The following SPATA4 variants were observed in gnomAD, a reference collection of about 807,000 sequenced individuals.
SPATA4 encodes the protein spermatogenesis associated 4.
In SPATA4, 35 loss-of-function variants were observed where a neutral mutation model predicts 31.8. The observed-to-expected ratio is 1.10, with a 90% CI of 0.84 to 1.46. The LOEUF is 1.46. SPATA4 is among the 40% of genes most tolerant of loss of function. The pLI is 0.00. For synonymous variants in SPATA4, 126 were observed against 132.4 expected (o/e 0.95, Z 0.33); for missense variants, 394 against 363.1 (o/e 1.09, Z -0.69).
At position 176,195,549 on chromosome 4, in the gene SPATA4, C is replaced by G; in HGVS notation, c.14G>C (p.Gly5Ala). The stretch of plus-strand genomic sequence containing the variant: ...CTGTGTCAAATACCCTTTTTCCTGG[C>G]CGGCGGCAGCCATGACGCTTTCTGG... MAAA[G>A]QEKGYLTQTA... is the part of the protein sequence containing the mutation. The change falls in exon 1 of 6, where the codon GGC (glycine) becomes GCC (alanine). Residue 5 changes from glycine to alanine, a missense_variant. By Grantham distance (60) the Gly-to-Ala change is moderately conservative. Coordinates refer to ENST00000280191, the MANE Select transcript of SPATA4 (RefSeq NM_144644.4). The G allele has an allele frequency of 3.7e-6, 6 of 1,614,050 alleles. No individual in the cohort carries two copies.
chr4:176,191,990 A>G (rs900303771), intron 4 of SPATA4, among the ~76,000 whole-genome samples: 12 of 152,350 alleles, frequency 7.9e-5, no homozygotes, highest in Non-Finnish European at 1.6e-4. Flanking sequence ...GTCTGGAATC[A>G]AGTGAAATAA....
At chr4:176,194,216 AT>A (rs1364862436) in intron 1 of SPATA4, 2 of 152,276 alleles carry the variant, frequency 1.3e-5, no homozygotes, top group African/African-American at 4.8e-5. Context: ...GAGAGAAACC[AT>A]AAAATTATTC....
Position 176,191,203 on chromosome 4 carries a change from C to T in SPATA4, c.688+1424G>A, listed in dbSNP as rs563274225. Among the ~76,000 whole-genome samples the T allele has an allele frequency of 6.2e-4, 94 of 151,170 alleles. 1 individual carries two copies. The highest frequency in any genetic ancestry group is 2.3e-3 in the African/African-American group (93 of 41,194). ...CTAAGCCTCCTGGGTTCAAGCCATT[C>T]TCCTGCTTCAGCCTCCCCAGTAGCT... On this transcript the variant is annotated intron_variant, in intron 4 of 5. Coordinates refer to ENST00000280191, the MANE Select transcript of SPATA4 (RefSeq NM_144644.4).
At chr4:176,193,364 CACAT>C in intron 2 of SPATA4, 85 bp downstream of exon 2, 1 of 1,487,098 alleles carries the variant, frequency 6.7e-7, no homozygotes, top group Admixed American at 2.0e-5. Context: ...CACAGTCACA[CACAT>C]ACACGTAGAG....
intron 2 of SPATA4, 78 bp from the exon 3 acceptor site, chr4:176,193,154 C>T: frequency 1.0e-6 from 1 of 967,198 alleles, no homozygotes; most frequent in African/African-American, 1.6e-5. Context: ...TCACTTTAAT[C>T]TCCCTTTTAT....
chr4:176,187,387 C>T (rs1295575953), intron 5 of SPATA4, among the ~76,000 whole-genome samples: 1 of 151,898 alleles, frequency 6.6e-6, no homozygotes, highest in Non-Finnish European at 1.5e-5. Flanking sequence ...GGTGGACTGC[C>T]TGAGCTCAGG....
chr4:176,190,978 A>G (rs891201861), intron 4 of SPATA4, among the ~76,000 whole-genome samples: 3 of 152,088 alleles, frequency 2.0e-5, no homozygotes, highest in Non-Finnish European at 4.4e-5. Flanking sequence ...TCTGCCTACT[A>G]CAGAGTTTCA....
chr4:176,192,756 A>G lies in SPATA4; in HGVS notation c.559T>C (p.Ser187Pro), dbSNP rs200960535. 6.2e-7 allele frequency: 1 copy of G among 1,614,144 alleles called. No homozygotes were observed. The highest frequency in any genetic ancestry group is 2.2e-5 in the East Asian group (1 of 44,872). Reference protein sequence around the residue: ...PLVSRSTVSKSIKDNIRLSEL... With the variant: ...PLVSRSTVSKPIKDNIRLSEL... ...GATAACCTAATGTTATCTTTAATAGACTTCGAAACTGTAGACCTGGAAACC... is the reference window on the plus strand; with the variant it reads ...GATAACCTAATGTTATCTTTAATAGGCTTCGAAACTGTAGACCTGGAAACC... The change falls in exon 4 of 6, where the codon TCT becomes CCT. Residue 187 changes from serine (S) to proline (P), a missense_variant. Ser to Pro is a moderately conservative substitution (Grantham distance 74, BLOSUM62 -1). Coordinates refer to ENST00000280191, the MANE Select transcript of SPATA4 (RefSeq NM_144644.4).
In SPATA4 at chr4:176,187,204, AG is replaced by A. The variant is rs377581245; in HGVS notation, c.805+914del. Reference sequence around the variant, plus strand: ...GGCAACTACTCAACCCAACTGTTGAAGGGTCAAAGCAGCCGTAAGCAAGGCA... The same window carrying A: ...GGCAACTACTCAACCCAACTGTTGAAGGTCAAAGCAGCCGTAAGCAAGGCA... On this transcript the variant is annotated intron_variant, in intron 5 of 5. Coordinates refer to ENST00000280191, the MANE Select transcript of SPATA4 (RefSeq NM_144644.4). 7.2e-4 allele frequency among the ~76,000 whole-genome samples: 110 copies of A among 152,298 alleles called. 1 individual carries two copies. The highest frequency in any genetic ancestry group is 2.6e-3 in the African/African-American group (109 of 41,570).
intron 1 of SPATA4, 133 bp downstream of exon 1, chr4:176,195,212 T>C (rs1660721917): frequency 2.8e-6 from 2 of 707,816 alleles, no homozygotes; most frequent in Non-Finnish European, 4.8e-6. Flanking sequence ...AGTGTTTTCG[T>C]GTGTGTACGT....
Position 176,193,544 on chromosome 4 carries a change from C to G in SPATA4, c.257G>C (p.Cys86Ser), listed in dbSNP as rs779972740. The G allele has an allele frequency of 6.2e-7, 1 of 1,611,408 alleles. No homozygotes were observed. Among genetic ancestry groups the G allele is most frequent in the Non-Finnish European group, 8.5e-7 (1 of 1,179,380 alleles). The part of the protein sequence containing the change: ...SNGFLIAEIF[C>S]IYYPWELELS... ...TTCAAGTTCCCAGGGGTAATATATA[C>G]AGAATATTTCTGCAATTAGGAAGCC... The change falls in exon 2 of 6, where the codon TGT becomes TCT. Residue 86 changes from cysteine (C) to serine (S), a missense_variant. Transcript: ENST00000280191.
intron 5 of SPATA4, among the ~76,000 whole-genome samples, chr4:176,185,462 C>A (rs1405209152): frequency 1.3e-5 from 2 of 152,194 alleles, no homozygotes; most frequent in Admixed American, 6.5e-5. Flanking sequence ...ACCTAACTTA[C>A]AATTAATTTT....
intron 5 of SPATA4, among the ~76,000 whole-genome samples, chr4:176,185,209 C>T (rs1019386467): frequency 1.3e-5 from 2 of 152,060 alleles, no homozygotes; most frequent in Admixed American, 1.3e-4. Flanking sequence ...GCAACAGTAG[C>T]ACAATTTTAT....
At chr4:176,186,358 A>C (rs1303848203) in intron 5 of SPATA4, among the ~76,000 whole-genome samples, 8 of 152,308 alleles carry the variant, frequency 5.3e-5, no homozygotes, top group Non-Finnish European at 1.0e-4. Flanking sequence ...AGTTAAACAC[A>C]AAAACAAAAC....
chr4:176,192,152 G>A (rs960267260), intron 4 of SPATA4, among the ~76,000 whole-genome samples: 2 of 152,168 alleles, frequency 1.3e-5, no homozygotes, highest in African/African-American at 4.8e-5. Context: ...AATGATTTCA[G>A]TGATACGTCT....
Position 176,193,502 on chromosome 4 carries a change from T to C in SPATA4, c.299A>G (p.Asn100Ser). ...PWELELSSFE[N>S]GTSLKVKLDN... ...CAACTTGACTTTTAAAGAGGTCCCG[T>C]TTTCAAAGGATGATAATTCAAGTTC... Residue 100 changes from asparagine (N) to serine (S), a missense_variant, in exon 2 of 6, where the codon AAC becomes AGC. Coordinates refer to ENST00000280191, the MANE Select transcript of SPATA4 (RefSeq NM_144644.4). 1 of 1,613,736 alleles carries C rather than the reference T, an allele frequency of 6.2e-7. No individual in the cohort carries two copies. Among genetic ancestry groups the C allele is most frequent in the South Asian group, 1.1e-5 (1 of 91,056 alleles).
At position 176,194,759 on chromosome 4, in the gene SPATA4, G is replaced by C. The variant is rs1000145716; in HGVS notation, c.218+586C>G. ...TTTTTTTTTTTTTTTTTTTGAGACAGAGTCTTACCCTGCCACCTAGGCTGG... is the reference window on the plus strand; with the variant it reads ...TTTTTTTTTTTTTTTTTTTGAGACACAGTCTTACCCTGCCACCTAGGCTGG... On this transcript the variant is annotated intron_variant, in intron 1 of 5. Transcript: ENST00000280191. 4 of 113,892 alleles carry C rather than the reference G, an allele frequency of 3.5e-5. No homozygotes were observed. The Admixed American group carries it at 4.9e-4, about 14-fold the overall frequency. 7.1% of individuals were successfully genotyped at this position (113,892 alleles called of 1,614,324 possible).
intron 4 of SPATA4, among the ~76,000 whole-genome samples, chr4:176,190,764 TCTC>T (rs1752515309): frequency 6.6e-6 from 1 of 152,102 alleles, no homozygotes; most frequent in Non-Finnish European, 1.5e-5. Flanking sequence ...TACTTCTCCT[TCTC>T]CTACATGTGT....
At position 176,188,241 on chromosome 4, in the gene SPATA4, A is replaced by C. The variant is rs1224746367; in HGVS notation, c.689-6T>G. The C allele has an allele frequency of 1.9e-6, 3 of 1,561,402 alleles. No homozygotes were observed. The highest frequency in any genetic ancestry group is 2.6e-6 in the Non-Finnish European group (3 of 1,147,646). ...TGGTTTCACATCAAACCATTCTATA[A>C]AATATGAACACAAAAGTTATTTCTT... On this transcript the variant is annotated splice_region_variant and splice_polypyrimidine_tract_variant and intron_variant, in intron 4 of 5. Coordinates refer to ENST00000280191, the MANE Select transcript of SPATA4 (RefSeq NM_144644.4).
Sources: gnomAD v4.1 joint callset for allele counts (sites outside exome capture counted in the v4.1 genomes callset) on GRCh38, gnomAD v4.1.1 for gene constraint, MANE v1.5 for transcripts, NCBI Gene and HGNC (gene_info 2026-07-23, HGNC 2026-07-21) for gene names.